ZNF385D: variants seen among roughly 807,000 people sequenced by gnomAD.
ZNF385D encodes zinc finger protein 659.
ZNF385D carries 15 observed loss-of-function variants against 35.8 expected under a neutral mutation model. The observed-to-expected ratio is 0.42, with a 90% CI of 0.28 to 0.64. The LOEUF (loss-of-function observed/expected upper bound fraction) is 0.64, where lower values mean the gene tolerates loss of function less well. ZNF385D is among the 30% of genes least tolerant of loss of function. The probability of loss-of-function intolerance (pLI) is 0.23; values close to 1 mark genes in which losing one functional copy is unlikely to be tolerated. For synonymous variants in ZNF385D, 212 were observed against 186.8 expected (o/e 1.13, Z -1.10); for missense variants, 474 against 494.6 (o/e 0.96, Z 0.39).
At chr3:21,540,959 C>A (rs953486823) in intron 3 of ZNF385D, among the ~76,000 whole-genome samples, 3 of 152,120 alleles carry the variant, frequency 2.0e-5, no homozygotes, top group Non-Finnish European at 4.4e-5. Flanking sequence ...TGGACTGAGA[C>A]AACAGATCCC....
At chr3:22,296,703 G>C (rs1024526598) in intron 2 of ZNF385D, among the ~76,000 whole-genome samples, 1 of 152,100 alleles carries the variant, frequency 6.6e-6, no homozygotes, top group South Asian at 2.1e-4. Context: ...TTCTTGAAGA[G>C]AGCATACCTC....
At chr3:21,501,478 A>G (rs995456348) in intron 4 of ZNF385D, among the ~76,000 whole-genome samples, 1 of 152,258 alleles carries the variant, frequency 6.6e-6, no homozygotes, top group African/African-American at 2.4e-5. Flanking sequence ...CAACGAACTC[A>G]GTAGAAACAC....
At chr3:22,313,982 C>T (rs1193522540) in intron 2 of ZNF385D, among the ~76,000 whole-genome samples, 1 of 152,152 alleles carries the variant, frequency 6.6e-6, no homozygotes, top group Non-Finnish European at 1.5e-5. Context: ...AAGTTCTGAT[C>T]TGCATTTGTT....
At chr3:21,916,052 T>A (rs1376563891) in intron 3 of ZNF385D, among the ~76,000 whole-genome samples, 2 of 152,128 alleles carry the variant, frequency 1.3e-5, no homozygotes, top group African/African-American at 4.8e-5. Context: ...ATATGTCAAA[T>A]CTTGTACTCC....
At chr3:21,481,327 G>C (rs1391125828) in intron 4 of ZNF385D, among the ~76,000 whole-genome samples, 2 of 152,164 alleles carry the variant, frequency 1.3e-5, no homozygotes, top group Non-Finnish European at 2.9e-5. Flanking sequence ...GAACAATCTA[G>C]AGTTCTGAAC....
At chr3:22,298,889 AATG>A (rs1702750816) in intron 2 of ZNF385D, among the ~76,000 whole-genome samples, 1 of 151,926 alleles carries the variant, frequency 6.6e-6, no homozygotes, top group Non-Finnish European at 1.5e-5. Context: ...AAATTCATAT[AATG>A]ATGACTGTAT....
chr3:21,806,507 T>C (rs938744879), intron 3 of ZNF385D, among the ~76,000 whole-genome samples: 5 of 151,994 alleles, frequency 3.3e-5, no homozygotes, highest in East Asian at 1.9e-4. Flanking sequence ...GCCTGGCCAA[T>C]AGAGCTCGTT....
At chr3:22,179,121 G>A (rs550757694) in intron 2 of ZNF385D, among the ~76,000 whole-genome samples, 2 of 152,184 alleles carry the variant, frequency 1.3e-5, no homozygotes. Flanking sequence ...GTTCTGTGAA[G>A]AAGGTCATTG....
At chr3:21,801,725 A>C (rs1296245910) in intron 3 of ZNF385D, among the ~76,000 whole-genome samples, 2 of 152,130 alleles carry the variant, frequency 1.3e-5, no homozygotes, top group African/African-American at 4.8e-5. Flanking sequence ...TGCCCACAGA[A>C]ACATCTTGGC....
At chr3:21,804,272 A>G (rs1315782563) in intron 3 of ZNF385D, among the ~76,000 whole-genome samples, 3 of 152,182 alleles carry the variant, frequency 2.0e-5, no homozygotes, top group African/African-American at 4.8e-5. Flanking sequence ...CCCTTTATAA[A>G]TTTTGTTTTC....
chr3:21,998,992 G>C (rs960065138), intron 3 of ZNF385D, among the ~76,000 whole-genome samples: 4 of 152,104 alleles, frequency 2.6e-5, no homozygotes, highest in Non-Finnish European at 4.4e-5. Flanking sequence ...GCATCCAATT[G>C]AGATAGTTTA....
intron 2 of ZNF385D, among the ~76,000 whole-genome samples, chr3:21,575,534 C>T (rs912436617): frequency 5.3e-5 from 8 of 152,142 alleles, no homozygotes; most frequent in Non-Finnish European, 1.5e-5. Flanking sequence ...CTCTCTTTTA[C>T]CTTTAAGTCA....
chr3:21,733,690 C>T (rs1012312393), intron 1 of ZNF385D, among the ~76,000 whole-genome samples: 5 of 152,042 alleles, frequency 3.3e-5, no homozygotes, highest in Non-Finnish European at 7.4e-5. Flanking sequence ...TTTATTCACC[C>T]TTGCTTTCTT....
intron 4 of ZNF385D, among the ~76,000 whole-genome samples, chr3:21,450,190 G>A (rs1012601954): frequency 4.6e-5 from 7 of 152,148 alleles, no homozygotes; most frequent in Non-Finnish European, 7.3e-5. Flanking sequence ...AGGAGAGGAG[G>A]AGAGGCAAAG....
chr3:22,258,522 A>G (rs1254510532), intron 2 of ZNF385D, among the ~76,000 whole-genome samples: 1 of 151,640 alleles, frequency 6.6e-6, no homozygotes, highest in Non-Finnish European at 1.5e-5. Context: ...AAGAATGACT[A>G]AAAAAAGGCC....
chr3:21,884,632 G>A (rs953257700), intron 3 of ZNF385D, among the ~76,000 whole-genome samples: 3 of 151,892 alleles, frequency 2.0e-5, no homozygotes, highest in African/African-American at 4.8e-5. Flanking sequence ...AGAACTCAAC[G>A]GTTCTTATTT....
At chr3:22,105,930 A>C (rs1281708025) in intron 3 of ZNF385D, among the ~76,000 whole-genome samples, 1 of 150,856 alleles carries the variant, frequency 6.6e-6, no homozygotes, top group Non-Finnish European at 1.5e-5. Context: ...TATCTAATTT[A>C]ATAGTACACA....
At chr3:21,955,041 G>A (rs1284927322) in intron 3 of ZNF385D, among the ~76,000 whole-genome samples, 1 of 152,120 alleles carries the variant, frequency 6.6e-6, no homozygotes, top group Admixed American at 6.6e-5. Flanking sequence ...ATTGTAAAAA[G>A]TCAAGGTTTT....
rs528739936 is a variant in ZNF385D, at chr3:21,783,857, G to A, written c.326-118829C>T. Reference sequence around the variant, plus strand: ...GAAACATTAAACAGCTCACAATATAGCGAGGGAAAGTCAAGCGTTTCCTAA... The same window carrying A: ...GAAACATTAAACAGCTCACAATATAACGAGGGAAAGTCAAGCGTTTCCTAA... On this transcript the variant is annotated intron_variant, in intron 3 of 5. Transcript: ENST00000494108. Among the ~76,000 whole-genome samples the A allele has an allele frequency of 3.3e-5, 5 of 152,250 alleles. No individual in the cohort carries two copies. In the South Asian group the frequency reaches 1.0e-3, roughly 32 times the overall value.
Sources: allele counts gnomAD v4.1 joint callset (sites outside exome capture counted in the v4.1 genomes callset), GRCh38; gene constraint gnomAD v4.1.1; transcripts MANE v1.5; gene names NCBI Gene and HGNC (gene_info 2026-07-23, HGNC 2026-07-21).